The following RMDN1 variants were observed in gnomAD, a reference collection of about 807,000 sequenced individuals.
The protein encoded by RMDN1 is regulator of microtubule dynamics 1, also known as regulator of microtubule dynamics protein 1.
A neutral mutation model predicts 48.9 loss-of-function variants in RMDN1; 48 were observed. The ratio of observed to expected loss-of-function variants is 0.98; its 90% confidence interval spans 0.78 to 1.25. The LOEUF (loss-of-function observed/expected upper bound fraction) is 1.25. Ranked by LOEUF, RMDN1 falls within the 50% of genes most tolerant of loss-of-function variation. The probability of loss-of-function intolerance (pLI) is 0.00; values close to 1 mark genes in which losing one functional copy is unlikely to be tolerated. For synonymous variants in RMDN1, 148 were observed against 132.6 expected (o/e 1.12, Z -0.80); for missense variants, 418 against 373.4 (o/e 1.12, Z -0.98).
At chr8:86,484,607 A>G (rs886560749) in intron 5 of RMDN1, 1 of 218,304 alleles carries the variant, frequency 4.6e-6, no homozygotes, top group African/African-American at 2.3e-5. Flanking sequence ...AATCCCAGCT[A>G]CTCGGGAGGC....
rs1816341395 is a variant in RMDN1 at position 86,490,706 on chromosome 8, A to C, written c.248-2067T>G. Among the ~76,000 whole-genome samples the C allele has an allele frequency of 2.6e-5, 4 of 152,214 alleles. No individual in the cohort carries two copies. The South Asian group carries it at 8.3e-4, about 31-fold the overall frequency. On this transcript the variant is annotated intron_variant, in intron 2 of 9. Transcript: ENST00000406452. ...GTGAAAGAAAATTAATATTAAATATATTGATCTGGCATATTTGAATGTGTA... is the reference window on the plus strand; with the variant it reads ...GTGAAAGAAAATTAATATTAAATATCTTGATCTGGCATATTTGAATGTGTA...
intron 6 of RMDN1, 58 bp downstream of exon 6, chr8:86,480,219 T>C (rs965322433): frequency 1.2e-6 from 1 of 818,356 alleles, no homozygotes. Flanking sequence ...AAGATATTTA[T>C]ACATACTACA....
intron 2 of RMDN1, 22 bp from the exon 3 acceptor site, chr8:86,488,661 A>G: frequency 1.9e-6 from 3 of 1,556,568 alleles, no homozygotes; most frequent in South Asian, 2.3e-5. Flanking sequence ...ATAAAGGAAA[A>G]AAGACACAAT....
intron 5 of RMDN1, chr8:86,482,757 G>T: frequency 1.1e-6 from 1 of 932,280 alleles, no homozygotes; most frequent in Non-Finnish European, 1.8e-6. Flanking sequence ...CATAACCTGT[G>T]TGCAACAGGA....
At chr8:86,491,975 T>A (rs1481930532) in intron 2 of RMDN1, among the ~76,000 whole-genome samples, 1 of 152,164 alleles carries the variant, frequency 6.6e-6, no homozygotes, top group Admixed American at 6.5e-5. Context: ...AGTAACATCA[T>A]CAAAGTTTAA....
intron 5 of RMDN1, chr8:86,483,007 G>C (rs1814818515): frequency 1.6e-6 from 1 of 637,780 alleles, no homozygotes; most frequent in African/African-American, 1.8e-5. Context: ...TGGCATCGTG[G>C]AGGCAGCCGC....
At chr8:86,476,038 A>G (rs1813319691) in intron 8 of RMDN1, among the ~76,000 whole-genome samples, 1 of 152,156 alleles carries the variant, frequency 6.6e-6, no homozygotes, top group South Asian at 2.1e-4. Flanking sequence ...AAAAGATACT[A>G]AGGGCATCAG....
upstream of RMDN1, among the ~76,000 whole-genome samples, chr8:86,512,586 C>T (rs973235612): frequency 9.2e-5 from 14 of 152,204 alleles, no homozygotes; most frequent in African/African-American, 3.1e-4. Flanking sequence ...TCTATCACAT[C>T]ACCCTGCCTT....
intron 9 of RMDN1, 57 bp downstream of exon 9, chr8:86,474,763 T>C: frequency 6.7e-7 from 1 of 1,503,732 alleles, no homozygotes. Context: ...AGTTCTTAAT[T>C]CACCATTTAA....
At chr8:86,488,531 G>A (rs1815884470) in intron 3 of RMDN1, 21 bp downstream of exon 3, 2 of 1,531,558 alleles carry the variant, frequency 1.3e-6, no homozygotes, top group Non-Finnish European at 1.8e-6. Context: ...CACAAGCCTA[G>A]GCCTATCCTA....
upstream of RMDN1, among the ~76,000 whole-genome samples, chr8:86,512,900 C>T (rs1024143359): frequency 6.6e-6 from 1 of 151,172 alleles, no homozygotes; most frequent in African/African-American, 2.4e-5. Context: ...ATAGTGAGAC[C>T]CCATTTCTTA....
At chr8:86,504,627 C>T (rs1349997556) in intron 2 of RMDN1, 1 of 908,876 alleles carries the variant, frequency 1.1e-6, no homozygotes. Context: ...GTTCCATGCT[C>T]ATGACTGTTT....
rs1003778945 is a variant in RMDN1, at chr8:86,508,518, C to T, written c.103G>A (p.Gly35Ser). The T allele has an allele frequency of 3.8e-6, 6 of 1,562,424 alleles. No homozygotes were observed. Among genetic ancestry groups the T allele is most frequent in the Middle Eastern group, 1.9e-4 (1 of 5,222 alleles). ...TCGAAGCCGCGGAATCGACAGGGGC[C>T]GCAATGCCCGCGGCTGCCCGAAGTC... Reference protein sequence around the residue: ...AGTSGSRGHCGPCRFRGFEVM... With the variant: ...AGTSGSRGHCSPCRFRGFEVM... Residue 35 changes from glycine to serine, a missense_variant, in exon 1 of 10, where the codon GGC (glycine) becomes AGC (serine). Physicochemically the swap from Gly to Ser is moderately conservative, Grantham distance 56. Transcript: ENST00000406452.
upstream of RMDN1, among the ~76,000 whole-genome samples, chr8:86,513,359 G>A (rs544559408): frequency 6.6e-6 from 1 of 152,274 alleles, no homozygotes; most frequent in East Asian, 1.9e-4. Flanking sequence ...TGGGCAACAA[G>A]AGCGAAACTG....
At chr8:86,508,836 C>T (rs939069129), upstream of RMDN1, 8 of 1,261,710 alleles carry the variant, frequency 6.3e-6, no homozygotes, top group African/African-American at 1.2e-4. Context: ...ACTTAATGGA[C>T]TTTCCGCGCC....
chr8:86,503,377 A>AAAAAAAAAAC (rs1818664657), intron 2 of RMDN1, among the ~76,000 whole-genome samples: 1 of 113,440 alleles, frequency 8.8e-6, no homozygotes, highest in Non-Finnish European at 1.7e-5. Flanking sequence ...AAAACAAAAA[A>AAAAAAAAAAC]AAAAAAAAAA....
At chr8:86,470,425 G>A (rs933258926), downstream of RMDN1, 18 of 1,272,404 alleles carry the variant, frequency 1.4e-5, no homozygotes, top group Non-Finnish European at 1.7e-5. Context: ...GAAGTCAAAT[G>A]GAAGAGACTT....
At chr8:86,477,196 A>C in intron 8 of RMDN1, 98 bp downstream of exon 8, 1 of 825,442 alleles carries the variant, frequency 1.2e-6, no homozygotes, top group Non-Finnish European at 1.8e-6. Flanking sequence ...AATAAGTATA[A>C]CAGAATAAAC....
At chr8:86,483,875 T>C (rs1306343117) in intron 5 of RMDN1, among the ~76,000 whole-genome samples, 1 of 150,808 alleles carries the variant, frequency 6.6e-6, no homozygotes, top group Admixed American at 6.6e-5. Context: ...TTAAGAAATA[T>C]ACAGACTCCT....
Sources: allele counts gnomAD v4.1 joint callset (sites outside exome capture counted in the v4.1 genomes callset), GRCh38; gene constraint gnomAD v4.1.1; transcripts MANE v1.5; gene names NCBI Gene and HGNC (gene_info 2026-07-23, HGNC 2026-07-21).